The following AGO3 variants were observed in gnomAD, a reference collection of about 807,000 sequenced individuals.
AGO3 encodes argonaute RISC catalytic component 3.
AGO3 carries 16 observed loss-of-function variants against 105.5 expected under a neutral mutation model. The ratio of observed to expected loss-of-function variants is 0.15; its 90% CI spans 0.10 to 0.23. AGO3 has a LOEUF of 0.23. AGO3 is among the 10% of genes least tolerant of loss of function. The pLI, the probability that AGO3 is intolerant of heterozygous loss-of-function variation, is 1.00. For missense variants in AGO3, 534 were observed against 1,088.0 expected (o/e 0.49, Z 7.16); for synonymous variants, 340 against 367.3 (o/e 0.93, Z 0.85).
intron 2 of AGO3, 150 bp downstream of exon 2, chr1:35,946,013 G>T: frequency 2.6e-6 from 2 of 780,880 alleles, no homozygotes; most frequent in South Asian, 2.6e-5. Context: ...TGTACTTCAG[G>T]GGTGTGATAG....
rs1432679604 is a variant in AGO3, at chr1:36,069,032, A to C, written c.*13287A>C. On this transcript the variant is annotated 3_prime_UTR_variant, in exon 19 of 19. Coordinates refer to ENST00000373191, the MANE Select transcript of AGO3 (RefSeq NM_024852.4). ...CTCCGTGTCCTTAGGCAATTCGTTT[A>C]ATCTCTGTGTGCCTAGTTTCCCCTT... is the stretch of plus-strand genomic sequence containing the variant. The C allele has an allele frequency of 6.6e-6, 1 of 152,240 alleles. No homozygotes were observed. The highest frequency in any genetic ancestry group is 1.9e-4 in the East Asian group (1 of 5,206). 9.4% of individuals were successfully genotyped at this position (152,240 alleles called of 1,614,324 possible). A position where few individuals can be genotyped will look rare whatever the true frequency, so the allele number is the denominator to read the frequency against.
chr1:35,999,940 G>A (rs943973864), intron 5 of AGO3, among the ~76,000 whole-genome samples: 4 of 151,662 alleles, frequency 2.6e-5, no homozygotes, highest in Non-Finnish European at 4.4e-5. Flanking sequence ...GTATCTGCCA[G>A]GTTGTAATAC....
At chr1:36,006,519 T>C (rs1640341245) in intron 6 of AGO3, among the ~76,000 whole-genome samples, 1 of 152,096 alleles carries the variant, frequency 6.6e-6, no homozygotes, top group Non-Finnish European at 1.5e-5. Flanking sequence ...TGAAAATAAA[T>C]TGCTAAGTGG....
intron 1 of AGO3, among the ~76,000 whole-genome samples, chr1:35,938,322 A>T (rs1001857892): frequency 3.3e-5 from 5 of 152,096 alleles, no homozygotes; most frequent in Non-Finnish European, 5.9e-5. Flanking sequence ...AATAATAACT[A>T]CATGTTTATT....
chr1:35,954,829 A>T lies in AGO3; in HGVS notation c.191+8966A>T, dbSNP rs142073484. 7.4e-3 allele frequency among the ~76,000 whole-genome samples: 1,129 copies of T among 152,352 alleles called. 5 individuals carry two copies. The highest frequency in any genetic ancestry group is 0.013 in the Admixed American group (202 of 15,306). On this transcript the variant is annotated intron_variant, in intron 2 of 18. Transcript: ENST00000373191. Reference sequence around the variant, plus strand: ...GTGGTGTATCACATGGTATTTGAGCAAAATAATTGTATCATAAAAGGTACA... The same window carrying T: ...GTGGTGTATCACATGGTATTTGAGCTAAATAATTGTATCATAAAAGGTACA...
At position 36,027,008 on chromosome 1, in the gene AGO3, C is replaced by T; in HGVS notation, c.1407-106C>T. On this transcript the variant is annotated intron_variant, in intron 11 of 18. Transcript: ENST00000373191. This position sits in a 1 kb window ranked among gnomAD's most constrained non-coding sequence, Gnocchi z 4.0. ...GGTGACCTCTCATATATGAAGCACA[C>T]AAATCTTTGCTTCATCCTTCCATTC... 3.8e-6 allele frequency: 5 copies of T among 1,307,524 alleles called. No homozygotes were observed. The South Asian group carries it at 5.6e-5, about 15-fold the overall frequency. The allele number at this position is 1,307,524 out of a possible 1,614,324, so 81.0% of individuals were successfully genotyped here. A position where few individuals can be genotyped will look rare whatever the true frequency, so the allele number is the denominator to read the frequency against.
chr1:36,054,800 T>A (rs1642861261), intron 17 of AGO3, 146 bp from the exon 18 acceptor site: 2 of 696,606 alleles, frequency 2.9e-6, no homozygotes, highest in Non-Finnish European at 4.8e-6. Context: ...TAGAATCTTT[T>A]GAGCCCCAGA....
chr1:36,036,089 A>T, intron 13 of AGO3, 88 bp from the exon 14 acceptor site: 1 of 1,295,188 alleles, frequency 7.7e-7, no homozygotes, highest in Non-Finnish European at 1.1e-6. Context: ...TGCTGTCAAT[A>T]ACTTGAAGTT....
rs148068326 is a variant in AGO3, at chr1:35,939,453, TTAA to T, written c.20-6237_20-6235del. ...TGGCTCTTAAATTAACTGAAATTTA[TTAA>T]TGATGTGTCGGTATAGGTTTGAGTG... On this transcript the variant is annotated intron_variant, in intron 1 of 18. Transcript: ENST00000373191. 5.0e-3 allele frequency among the ~76,000 whole-genome samples: 756 copies of T among 152,292 alleles called. 3 individuals are homozygous for T. The highest frequency in any genetic ancestry group is 7.1e-3 in the Non-Finnish European group (483 of 68,030).
intron 2 of AGO3, 141 bp downstream of exon 2, chr1:35,946,004 G>T: frequency 2.3e-6 from 2 of 867,364 alleles, no homozygotes; most frequent in South Asian, 2.2e-5. Context: ...AAAACTGATT[G>T]TACTTCAGGG....
intron 5 of AGO3, among the ~76,000 whole-genome samples, chr1:35,975,889 A>C (rs1646947970): frequency 6.7e-6 from 1 of 149,632 alleles, no homozygotes; most frequent in Non-Finnish European, 1.5e-5. Context: ...TTTTCAAGAG[A>C]TCTTAAAGCT....
rs139709219 is a variant in AGO3 at position 35,932,190 on chromosome 1, A to C, written c.19+745A>C. Among the ~76,000 whole-genome samples the C allele has an allele frequency of 2.4e-3, 361 of 152,320 alleles. 2 individuals are homozygous for C. The highest frequency in any genetic ancestry group is 8.1e-3 in the African/African-American group (337 of 41,554). ...AAGAGAAAATTGCAACATGGATAGT[A>C]CTTGTCCTTAAAAAAGGAAAAGTAT... is the stretch of plus-strand genomic sequence containing the variant. On this transcript the variant is annotated intron_variant, in intron 1 of 18. Coordinates refer to ENST00000373191, the MANE Select transcript of AGO3 (RefSeq NM_024852.4).
At chr1:35,939,830 C>T (rs955053706) in intron 1 of AGO3, among the ~76,000 whole-genome samples, 9 of 152,080 alleles carry the variant, frequency 5.9e-5, no homozygotes, top group African/African-American at 1.7e-4. Flanking sequence ...ACCACCCAAA[C>T]GCAGTCATCA....
chr1:36,016,260 C>T (rs963613542), intron 11 of AGO3, among the ~76,000 whole-genome samples: 2 of 152,200 alleles, frequency 1.3e-5, no homozygotes, highest in Non-Finnish European at 2.9e-5. Flanking sequence ...CGGCTCACTG[C>T]AACCTCCGCC....
At chr1:35,976,169 A>G (rs1422416276) in intron 5 of AGO3, among the ~76,000 whole-genome samples, 1 of 152,124 alleles carries the variant, frequency 6.6e-6, no homozygotes, top group Non-Finnish European at 1.5e-5. Flanking sequence ...TCCTGATTTC[A>G]GGTGGTCCAC....
At chr1:35,955,063 G>A (rs1299594310) in intron 2 of AGO3, among the ~76,000 whole-genome samples, 1 of 152,214 alleles carries the variant, frequency 6.6e-6, no homozygotes, top group Non-Finnish European at 1.5e-5. Flanking sequence ...AGTAGCTAGA[G>A]ATGAGTCTGA....
chr1:36,016,791 A>G (rs1468477262), intron 11 of AGO3, among the ~76,000 whole-genome samples: 3 of 152,232 alleles, frequency 2.0e-5, no homozygotes, highest in Non-Finnish European at 4.4e-5. Flanking sequence ...GGAGAAAAAC[A>G]AAACCTGGTC....
chr1:35,949,931 G>A lies in AGO3; in HGVS notation c.191+4068G>A, dbSNP rs530060063. Among the ~76,000 whole-genome samples the A allele has an allele frequency of 7.3e-5, 11 of 150,928 alleles. No homozygotes were observed. The South Asian group carries it at 1.3e-3, about 18-fold the overall frequency. On this transcript the variant is annotated intron_variant, in intron 2 of 18. Coordinates refer to ENST00000373191, the MANE Select transcript of AGO3 (RefSeq NM_024852.4). ...CAGCCTTATTTCGTTTCTTATTAAA[G>A]ATTTATATTGGCCAGGCATGGTAGC...
Position 35,955,318 on chromosome 1 carries a change from T to C in AGO3, c.191+9455T>C, listed in dbSNP as rs560725054. On this transcript the variant is annotated intron_variant, in intron 2 of 18. Coordinates refer to ENST00000373191, the MANE Select transcript of AGO3 (RefSeq NM_024852.4). Reference sequence around the variant, plus strand: ...ACCATTGATCACACGTCCCCATTAATTAAAATTTGTTTGACCAAAAAATAC... The same window carrying C: ...ACCATTGATCACACGTCCCCATTAACTAAAATTTGTTTGACCAAAAAATAC... Among the ~76,000 whole-genome samples the C allele has an allele frequency of 3.3e-5, 5 of 152,308 alleles. No individual in the cohort carries two copies. In the South Asian group the frequency reaches 1.0e-3, roughly 32 times the overall value.
Sources: gnomAD v4.1 joint callset for allele counts (sites outside exome capture counted in the v4.1 genomes callset) on GRCh38, gnomAD v4.1.1 for gene constraint, Gnocchi (gnomAD v3.1) non-coding constraint, MANE v1.5 for transcripts, NCBI Gene and HGNC (gene_info 2026-07-23, HGNC 2026-07-21) for gene names.